Variants in ZFYVE26 observed in about 807,000 individuals in gnomAD.
ZFYVE26 encodes the protein zinc finger FYVE-type containing 26, also known as zinc finger FYVE domain-containing protein 26.
A neutral mutation model predicts 276.5 loss-of-function variants in ZFYVE26; 181 were observed. The ratio of observed to expected loss-of-function variants is 0.65; its 90% CI spans 0.58 to 0.74. ZFYVE26 has a LOEUF of 0.74. Among genes scored for constraint, ZFYVE26 ranks in the 30% least tolerant of loss-of-function variants. The pLI is 0.00. For missense variants in ZFYVE26, 2,821 were observed against 3,097.9 expected, an observed-to-expected ratio of 0.91 and a Z score of 2.12; for synonymous variants, 1,129 against 1,203.1, an observed-to-expected ratio of 0.94 and a Z score of 1.27.
chr14:67,776,304 A>T (rs1159306761), intron 25 of ZFYVE26, among the ~76,000 whole-genome samples, 198 bp from the exon 26 acceptor site: 1 of 152,246 alleles, frequency 6.6e-6, no homozygotes, highest in African/African-American at 2.4e-5. Flanking sequence ...TACTCCAAGT[A>T]CCTTCACCAG....
intron 1 of ZFYVE26, among the ~76,000 whole-genome samples, chr14:67,816,251 T>C (rs1288725587): frequency 6.6e-6 from 1 of 152,188 alleles, no homozygotes; most frequent in Admixed American, 6.5e-5. Flanking sequence ...ATAATATTAA[T>C]AGTCATATTT....
intron 25 of ZFYVE26, 78 bp from the exon 26 acceptor site, chr14:67,776,184 G>A (rs1473874827): frequency 2.4e-5 from 38 of 1,598,092 alleles, no homozygotes; most frequent in Middle Eastern, 3.8e-4. Context: ...TCACTGGGAA[G>A]GGGAAGGGTG....
chr14:67,807,458 C>T lies in ZFYVE26; in HGVS notation c.826G>A (p.Gly276Ser), dbSNP rs1214979757. 2 of 1,614,006 alleles carry T rather than the reference C, an allele frequency of 1.2e-6. No homozygotes were observed. The highest frequency in any genetic ancestry group is 1.7e-6 in the Non-Finnish European group (2 of 1,180,012). ...GTGACCTTCTCTGCATAGGTATGGC[C>T]ATACAGGGACAGCAGGCCCCGGCTG... ...KASRGLLSLYGHTYAEKVTEK... is the reference protein window; with the variant it reads ...KASRGLLSLYSHTYAEKVTEK... The change falls in exon 5 of 42, where the codon GGC (glycine) becomes AGC (serine). Residue 276 changes from glycine to serine, a missense_variant. Physicochemically the swap from Gly to Ser is moderately conservative, Grantham distance 56 (BLOSUM62 0). Transcript: ENST00000347230.
At chr14:67,735,874 A>T (rs2038346833) in intron 13 of ZFYVE26, among the ~76,000 whole-genome samples, 1 of 152,194 alleles carries the variant, frequency 6.6e-6, no homozygotes. Flanking sequence ...CAAGAAACAA[A>T]CAGTTTCAGA....
chr14:67,786,328 A>C, intron 16 of ZFYVE26, 95 bp from the exon 17 acceptor site: 1 of 1,429,920 alleles, frequency 7.0e-7, no homozygotes, highest in South Asian at 1.3e-5. Flanking sequence ...GTGAAATTTT[A>C]TCCTCTCCAA....
At position 67,777,570 on chromosome 14, in the gene ZFYVE26, C is replaced by A; in HGVS notation, c.4963G>T (p.Val1655Leu). The part of the protein sequence containing the change: ...VRHREIQALY[V>L]GSKILLTLPE... ...CGGTGTATCCTTACCTTGGATCCCA[C>A]ATACAGCGCCTGGATTTCACGGTGT... Residue 1655 changes from valine (V) to leucine (L), a missense_variant, in exon 25 of 42, where the codon GTG (valine) becomes TTG (leucine). Val to Leu is a conservative substitution (Grantham distance 32). Transcript: ENST00000347230. 2 of 1,614,064 alleles carry A rather than the reference C, an allele frequency of 1.2e-6. No individual in the cohort carries two copies. Among genetic ancestry groups the A allele is most frequent in the Non-Finnish European group, 1.7e-6 (2 of 1,180,034 alleles).
chr14:67,794,343 G>A (rs2039899322), intron 12 of ZFYVE26, 104 bp from the exon 13 acceptor site: 1 of 1,113,338 alleles, frequency 9.0e-7, no homozygotes, highest in Admixed American at 1.7e-5. Flanking sequence ...TAGAGACAGA[G>A]GATAATGAAT....
intron 16 of ZFYVE26, among the ~76,000 whole-genome samples, chr14:67,788,596 G>T (rs1166145884): frequency 6.6e-6 from 1 of 152,138 alleles, no homozygotes; most frequent in Non-Finnish European, 1.5e-5. Flanking sequence ...TTACTTTGCT[G>T]ATTTTTCTTT....
intron 35 of ZFYVE26, among the ~76,000 whole-genome samples, chr14:67,756,698 G>C (rs539485225): frequency 6.6e-6 from 1 of 152,060 alleles, no homozygotes; most frequent in Non-Finnish European, 1.5e-5. Flanking sequence ...AATCTCCCCA[G>C]GGCTTCGGAG....
intron 15 of ZFYVE26, 66 bp downstream of exon 15, chr14:67,790,506 G>T: frequency 6.4e-7 from 1 of 1,551,780 alleles, no homozygotes; most frequent in South Asian, 1.1e-5. Flanking sequence ...GATTTTAGTG[G>T]TTTCTCCCCT....
At chr14:67,797,836 A>T in intron 11 of ZFYVE26, 81 bp from the exon 12 acceptor site, 1 of 1,587,300 alleles carries the variant, frequency 6.3e-7, no homozygotes, top group South Asian at 1.1e-5. Context: ...AGGTTGGGGA[A>T]GGTTTGCACT....
intron 13 of ZFYVE26, among the ~76,000 whole-genome samples, chr14:67,740,793 A>T (rs1474693100): frequency 6.6e-6 from 1 of 152,188 alleles, no homozygotes. Flanking sequence ...CTGTAATCCC[A>T]GCTACTCAGG....
intron 32 of ZFYVE26, among the ~76,000 whole-genome samples, chr14:67,763,200 T>C (rs1238222397): frequency 1.3e-5 from 2 of 152,342 alleles, no homozygotes; most frequent in East Asian, 3.9e-4. Context: ...CCATTTTCAA[T>C]GTGAAAGTGA....
At chr14:67,736,878 CAG>C (rs1348474735) in intron 13 of ZFYVE26, among the ~76,000 whole-genome samples, 1 of 152,052 alleles carries the variant, frequency 6.6e-6, no homozygotes, top group African/African-American at 2.4e-5. Flanking sequence ...TCCTGTTCCA[CAG>C]AGAGCTCTGG....
chr14:67,802,431 T>C, intron 9 of ZFYVE26, 149 bp from the exon 10 acceptor site: 1 of 785,562 alleles, frequency 1.3e-6, no homozygotes. Flanking sequence ...TCTGTGTCAC[T>C]TCTAGGGCTT....
chr14:67,806,692 A>G lies in ZFYVE26; in HGVS notation c.887-17T>C. ...CCGGTGAGACTGAACATCAAACAAG[A>G]CGGTTATCAGGAAACCAAGAACTCT... On this transcript the variant is annotated splice_polypyrimidine_tract_variant and intron_variant, in intron 5 of 41. Transcript: ENST00000347230. 1 of 1,611,508 alleles carries G rather than the reference A, an allele frequency of 6.2e-7. No individual in the cohort carries two copies. The highest frequency in any genetic ancestry group is 2.2e-5 in the East Asian group (1 of 44,874).
chr14:67,752,487 C>T lies in ZFYVE26; in HGVS notation c.7228G>A (p.Ala2410Thr), dbSNP rs1475955428. The T allele has an allele frequency of 1.9e-6, 3 of 1,614,030 alleles. No homozygotes were observed. Among genetic ancestry groups the T allele is most frequent in the Non-Finnish European group, 8.5e-7 (1 of 1,180,032 alleles). The stretch of plus-strand genomic sequence containing the variant: ...TTCTCTTTCTCCACCAACTGGCGGG[C>T]AGCTCTGCAGTAGGTCATGGCAGCA... ...LDAAMTYCRA[A>T]RQLVEKEKYS... Residue 2410 changes from alanine (A) to threonine (T), a missense_variant, in exon 40 of 42, where the codon GCC becomes ACC. By Grantham distance (58) the Ala-to-Thr change is moderately conservative. Transcript: ENST00000347230.
chr14:67,805,697 A>G (rs1566896848), intron 6 of ZFYVE26, 79 bp from the exon 7 acceptor site: 1 of 1,519,956 alleles, frequency 6.6e-7, no homozygotes, highest in Non-Finnish European at 9.0e-7. Context: ...CTTTAGAGAA[A>G]GAAGTATTTT....
chr14:67,756,835 C>T (rs2038791645), intron 35 of ZFYVE26, among the ~76,000 whole-genome samples: 1 of 152,182 alleles, frequency 6.6e-6, no homozygotes, highest in Admixed American at 6.5e-5. Flanking sequence ...TCCTCCTGAA[C>T]TCCAGAACTG....
Sources: allele counts gnomAD v4.1 joint callset (sites outside exome capture counted in the v4.1 genomes callset), GRCh38; gene constraint gnomAD v4.1.1; transcripts MANE v1.5; gene names NCBI Gene and HGNC (gene_info 2026-07-23, HGNC 2026-07-21).